DIP2C: variants seen among roughly 807,000 people sequenced by gnomAD.
DIP2C encodes the protein DIP2 acetate--CoA ligase C (putative).
In DIP2C, 33 loss-of-function variants were observed where a neutral mutation model predicts 192.4. The observed-to-expected ratio is 0.17, with a 90% confidence interval of 0.13 to 0.23. DIP2C has a LOEUF of 0.23. Ranked by LOEUF, DIP2C falls within the 10% of genes least tolerant of loss-of-function variation. DIP2C has a pLI of 1.00. For synonymous variants in DIP2C, 979 were observed against 864.1 expected (o/e 1.13, Z -2.33); for missense variants, 1,537 against 2,110.1 (o/e 0.73, Z 5.32).
At chr10:367,860 G>A (rs1193000131) in intron 18 of DIP2C, among the ~76,000 whole-genome samples, 1 of 152,258 alleles carries the variant, frequency 6.6e-6, no homozygotes, top group East Asian at 1.9e-4. Context: ...CAGGGCAGAG[G>A]ACACACACGG....
chr10:519,495 C>A (rs1326228239), intron 1 of DIP2C, among the ~76,000 whole-genome samples: 1 of 152,222 alleles, frequency 6.6e-6, no homozygotes, highest in Non-Finnish European at 1.5e-5. Flanking sequence ...CACCTCCCCT[C>A]CCCCACACAT....
intron 1 of DIP2C, among the ~76,000 whole-genome samples, chr10:579,933 CTA>C (rs749392495): frequency 9.9e-5 from 15 of 151,624 alleles, no homozygotes; most frequent in African/African-American, 2.7e-4. Flanking sequence ...TATAGGTACA[CTA>C]TAACATGTAT....
chr10:328,979 C>A (rs192568501), intron 30 of DIP2C, among the ~76,000 whole-genome samples: 3 of 152,304 alleles, frequency 2.0e-5, no homozygotes, highest in African/African-American at 7.2e-5. Flanking sequence ...ACACTGTTAA[C>A]TGAACTGTAA....
intron 1 of DIP2C, chr10:668,223 A>G (rs899816320): frequency 1.3e-5 from 2 of 152,300 alleles, no homozygotes; most frequent in African/African-American, 4.8e-5. Flanking sequence ...CAACACACTC[A>G]TACAACACAT....
chr10:568,421 T>G (rs1366556873), intron 1 of DIP2C, among the ~76,000 whole-genome samples: 1 of 151,954 alleles, frequency 6.6e-6, no homozygotes, highest in Admixed American at 6.6e-5. Flanking sequence ...TCATCCAAGA[T>G]CAGTAGAAGG....
chr10:283,171 T>C, intron 35 of DIP2C, 101 bp downstream of exon 35: 1 of 1,475,440 alleles, frequency 6.8e-7, no homozygotes, highest in Non-Finnish European at 9.1e-7. Flanking sequence ...CGTGCCCTCC[T>C]GGCTTTGGCT....
chr10:369,708 C>T, intron 17 of DIP2C, 75 bp from the exon 18 acceptor site: 1 of 1,609,026 alleles, frequency 6.2e-7, no homozygotes, highest in South Asian at 1.1e-5. Context: ...AGTCAGCACA[C>T]ATGCGGCAGG....
chr10:462,069 A>G (rs1969827220), intron 3 of DIP2C, among the ~76,000 whole-genome samples: 1 of 152,238 alleles, frequency 6.6e-6, no homozygotes, highest in East Asian at 1.9e-4. Flanking sequence ...TGCCCACAAG[A>G]AAAAGCAGGA....
intron 3 of DIP2C, among the ~76,000 whole-genome samples, chr10:454,829 A>G (rs1364075771): frequency 6.6e-6 from 1 of 152,194 alleles, no homozygotes; most frequent in Non-Finnish European, 1.5e-5. Context: ...TCAGAGAAAG[A>G]GGTAGTATAC....
At chr10:367,890 G>A (rs984368714) in intron 18 of DIP2C, among the ~76,000 whole-genome samples, 1 of 152,242 alleles carries the variant, frequency 6.6e-6, no homozygotes, top group Admixed American at 6.5e-5. Flanking sequence ...GCAGGCTTCT[G>A]TTCCACAGCC....
intron 17 of DIP2C, among the ~76,000 whole-genome samples, chr10:371,561 G>A (rs569489800): frequency 6.6e-6 from 1 of 152,252 alleles, no homozygotes; most frequent in Admixed American, 6.5e-5. Context: ...GCAGAGACTG[G>A]AGTGACAGGT....
At chr10:397,925 C>G (rs531050150) in intron 10 of DIP2C, among the ~76,000 whole-genome samples, 3 of 152,302 alleles carry the variant, frequency 2.0e-5, no homozygotes, top group South Asian at 4.1e-4. Flanking sequence ...CTCCCTCATC[C>G]TCTGTTTGAA....
chr10:354,463 AT>A (rs1202210835), intron 24 of DIP2C, among the ~76,000 whole-genome samples: 1 of 152,128 alleles, frequency 6.6e-6, no homozygotes, highest in Non-Finnish European at 1.5e-5. Flanking sequence ...GAACAGCTCT[AT>A]TTTCCTCCTC....
At position 681,479 on chromosome 10, in the gene DIP2C, C is replaced by T. The variant is rs574069221; in HGVS notation, c.85+8015G>A. ...ACAGAAATTCCAGGGAACATAGACCCCAGTCCCATGGTGCAGCCACCACCT... is the reference window on the plus strand; with the variant it reads ...ACAGAAATTCCAGGGAACATAGACCTCAGTCCCATGGTGCAGCCACCACCT... On this transcript the variant is annotated intron_variant, in intron 1 of 36. Transcript: ENST00000280886. Among the ~76,000 whole-genome samples the T allele has an allele frequency of 2.3e-3, 335 of 147,680 alleles. 1 individual carries two copies. Among genetic ancestry groups the T allele is most frequent in the African/African-American group, 7.9e-3 (316 of 39,970 alleles).
At chr10:324,972 A>G (rs759001043) in intron 31 of DIP2C, 14 of 532,474 alleles carry the variant, frequency 2.6e-5, no homozygotes, top group Non-Finnish European at 5.0e-5. Flanking sequence ...AAACCATCTT[A>G]AAACATTTTG....
intron 1 of DIP2C, among the ~76,000 whole-genome samples, chr10:597,740 C>T (rs1404404718): frequency 1.3e-5 from 2 of 152,214 alleles, no homozygotes; most frequent in Non-Finnish European, 2.9e-5. Context: ...TCTGTCCCTT[C>T]ATGTTTTTAT....
intron 4 of DIP2C, among the ~76,000 whole-genome samples, chr10:430,855 A>G (rs1966849408): frequency 6.6e-6 from 1 of 152,228 alleles, no homozygotes; most frequent in Non-Finnish European, 1.5e-5. Flanking sequence ...TATACTAATG[A>G]GGACAGTGGC....
intron 1 of DIP2C, among the ~76,000 whole-genome samples, chr10:571,223 T>C (rs1262025207): frequency 6.6e-6 from 1 of 152,222 alleles, no homozygotes; most frequent in Admixed American, 6.5e-5. Flanking sequence ...CTCTCCAACC[T>C]GACAGCAAAC....
rs376964068 is a variant in DIP2C, at chr10:363,340, C to T, written c.2478-29G>A. 36 of 1,598,994 alleles carry T rather than the reference C, an allele frequency of 2.3e-5. 1 individual carries two copies. Among genetic ancestry groups the T allele is most frequent in the African/African-American group, 1.6e-4 (12 of 74,800 alleles). Reference sequence around the variant, plus strand: ...CGGGGACACAGGAGCATGGTGAGCACGCGCCGGGGACGCTCATGCAGCCCT... The same window carrying T: ...CGGGGACACAGGAGCATGGTGAGCATGCGCCGGGGACGCTCATGCAGCCCT... On this transcript the variant is annotated intron_variant, in intron 20 of 36. Transcript: ENST00000280886. The surrounding 1 kb of genome is among the most constrained non-coding windows in gnomAD (Gnocchi z 5.4).
Sources: allele counts gnomAD v4.1 joint callset (sites outside exome capture counted in the v4.1 genomes callset), GRCh38; gene constraint gnomAD v4.1.1; non-coding constraint Gnocchi (gnomAD v3.1); transcripts MANE v1.5; gene names NCBI Gene and HGNC (gene_info 2026-07-23, HGNC 2026-07-21).